Variants in POU2F1 observed in about 807,000 individuals in gnomAD.
POU2F1 encodes the protein POU class 2 homeobox 1.
In POU2F1, 16 loss-of-function variants were observed where a neutral mutation model predicts 84.9. The ratio of observed to expected loss-of-function variants is 0.19; its 90% confidence interval spans 0.13 to 0.29. The LOEUF (loss-of-function observed/expected upper bound fraction) is 0.29. Among genes scored for constraint, POU2F1 ranks in the 10% least tolerant of loss-of-function variants. The pLI is 1.00. For missense variants in POU2F1, 738 were observed against 942.6 expected (o/e 0.78, Z 2.84); for synonymous variants, 368 against 368.3 (o/e 1.00, Z 0.01).
intron 1 of POU2F1, among the ~76,000 whole-genome samples, chr1:167,273,666 G>A (rs12239612): frequency 0.015 from 2,329 of 152,304 alleles, 63 homozygotes; most frequent in African/African-American, 0.054. Flanking sequence ...TACCTTTTAT[G>A]CCTTGCCTAT....
chr1:167,343,918 G>A (rs533359060), intron 2 of POU2F1, among the ~76,000 whole-genome samples: 3 of 151,812 alleles, frequency 2.0e-5, no homozygotes, highest in Non-Finnish European at 4.4e-5. Flanking sequence ...AGGTGTAAGA[G>A]TCTTTAACAG....
intron 2 of POU2F1, among the ~76,000 whole-genome samples, 168 bp from the exon 3 acceptor site, chr1:167,365,299 G>A (rs1270346326): frequency 6.6e-6 from 1 of 152,158 alleles, no homozygotes; most frequent in Non-Finnish European, 1.5e-5. Flanking sequence ...CCTGCTTTTA[G>A]AAGATAAACC....
intron 15 of POU2F1, chr1:167,414,697 A>G (rs1377216500): frequency 3.0e-6 from 3 of 985,144 alleles, no homozygotes; most frequent in Non-Finnish European, 3.6e-6. Flanking sequence ...TCACCCACCT[A>G]CATCATTATG....
intron 1 of POU2F1, among the ~76,000 whole-genome samples, chr1:167,269,662 C>T (rs533880241): frequency 2.5e-3 from 384 of 152,250 alleles, no homozygotes; most frequent in Non-Finnish European, 3.9e-3. Flanking sequence ...CCTATAATCC[C>T]AGCACTTTGG....
At chr1:167,367,502 C>T (rs1557931566) in intron 3 of POU2F1, among the ~76,000 whole-genome samples, 2 of 152,100 alleles carry the variant, frequency 1.3e-5, no homozygotes, top group East Asian at 3.9e-4. Flanking sequence ...ACATTTCTCT[C>T]AGGGTGATTT....
At chr1:167,302,990 A>G (rs185462367) in intron 1 of POU2F1, among the ~76,000 whole-genome samples, 138 of 152,348 alleles carry the variant, frequency 9.1e-4, no homozygotes, top group African/African-American at 3.3e-3. Flanking sequence ...TTCTAAATAC[A>G]AAATATAATC....
intron 2 of POU2F1, among the ~76,000 whole-genome samples, chr1:167,362,591 A>G (rs1659414740): frequency 6.6e-6 from 1 of 152,212 alleles, no homozygotes; most frequent in Non-Finnish European, 1.5e-5. Context: ...AGCTGGTTGC[A>G]GCCTCGAGCT....
intron 1 of POU2F1, among the ~76,000 whole-genome samples, chr1:167,281,467 C>T (rs967760860): frequency 6.6e-6 from 1 of 152,162 alleles, no homozygotes; most frequent in Non-Finnish European, 1.5e-5. Context: ...TCGGGCAGGC[C>T]TCCCAGCCAT....
At chr1:167,337,437 C>T (rs549393336) in intron 2 of POU2F1, among the ~76,000 whole-genome samples, 34 of 152,176 alleles carry the variant, frequency 2.2e-4, no homozygotes, top group Middle Eastern at 3.4e-3. Context: ...AGTTGTTATA[C>T]GACAGCTTAA....
chr1:167,348,487 C>T (rs927369841), intron 2 of POU2F1, among the ~76,000 whole-genome samples: 12 of 152,106 alleles, frequency 7.9e-5, no homozygotes, highest in African/African-American at 2.4e-4. Context: ...TCTCTGCATC[C>T]CTGCCAACAC....
chr1:167,362,827 T>A (rs948997068), intron 2 of POU2F1, among the ~76,000 whole-genome samples: 2 of 152,096 alleles, frequency 1.3e-5, no homozygotes, highest in Non-Finnish European at 2.9e-5. Flanking sequence ...GAAGGCAGAA[T>A]ATTGCCTGTA....
In POU2F1 at chr1:167,281,469, C is replaced by T. The variant is rs375485298; in HGVS notation, c.62-51001C>T. Among the ~76,000 whole-genome samples, 108 of 152,288 alleles carry T rather than the reference C, an allele frequency of 7.1e-4. 1 individual carries two copies. The South Asian group carries it at 0.022, about 31-fold the overall frequency. ...GACGGTTTGCCAATCGGGCAGGCCTCCCAGCCATAGTAGGCTCAGAGACTC... is the reference window on the plus strand; with the variant it reads ...GACGGTTTGCCAATCGGGCAGGCCTTCCAGCCATAGTAGGCTCAGAGACTC... On this transcript the variant is annotated intron_variant, in intron 1 of 15. Transcript: ENST00000367866.
intron 13 of POU2F1, among the ~76,000 whole-genome samples, chr1:167,407,093 C>T (rs1256055886): frequency 2.6e-5 from 4 of 151,820 alleles, no homozygotes; most frequent in African/African-American, 9.7e-5. Context: ...CACAGTGGCG[C>T]AATCACATTT....
At chr1:167,316,771 TGGATG>T (rs1655931812) in intron 1 of POU2F1, among the ~76,000 whole-genome samples, 1 of 152,156 alleles carries the variant, frequency 6.6e-6, no homozygotes, top group Non-Finnish European at 1.5e-5. Context: ...GTTCAAAAAA[TGGATG>T]GGAATAATCA....
intron 1 of POU2F1, among the ~76,000 whole-genome samples, chr1:167,289,949 A>G (rs1215558683): frequency 2.0e-5 from 3 of 152,382 alleles, no homozygotes; most frequent in Middle Eastern, 3.4e-3. Flanking sequence ...AAATAATTAT[A>G]GTAACTTGGA....
intron 2 of POU2F1, among the ~76,000 whole-genome samples, chr1:167,362,046 A>G (rs1391116930): frequency 6.6e-6 from 1 of 151,960 alleles, no homozygotes; most frequent in Non-Finnish European, 1.5e-5. Flanking sequence ...CCCGCAATGT[A>G]CCTACCTCCA....
chr1:167,393,421 T>G (rs1433373095), intron 9 of POU2F1, among the ~76,000 whole-genome samples: 2 of 152,210 alleles, frequency 1.3e-5, no homozygotes, highest in Non-Finnish European at 2.9e-5. Flanking sequence ...TGGCATAGCT[T>G]TATTTCCAGC....
chr1:167,348,717 A>G (rs904067803), intron 2 of POU2F1, among the ~76,000 whole-genome samples: 1 of 152,154 alleles, frequency 6.6e-6, no homozygotes, highest in Non-Finnish European at 1.5e-5. Flanking sequence ...CATCTAAGGC[A>G]GTTAGATGTT....
intron 1 of POU2F1, among the ~76,000 whole-genome samples, chr1:167,268,896 G>A (rs1652168875): frequency 6.6e-6 from 1 of 152,136 alleles, no homozygotes; most frequent in Non-Finnish European, 1.5e-5. Flanking sequence ...TAATCCTATA[G>A]CTTAAAAATC....
Sources: allele counts gnomAD v4.1 joint callset (sites outside exome capture counted in the v4.1 genomes callset), GRCh38; gene constraint gnomAD v4.1.1; transcripts MANE v1.5; gene names NCBI Gene and HGNC (gene_info 2026-07-23, HGNC 2026-07-21).